CHORDC1: variants seen among roughly 807,000 people sequenced by gnomAD.
CHORDC1 encodes the protein cysteine and histidine rich domain containing 1, also known as cysteine and histidine-rich domain-containing protein 1.
A neutral mutation model predicts 48.3 loss-of-function variants in CHORDC1; 25 were observed. That is an observed-to-expected ratio of 0.52 (90% CI 0.38 to 0.72). CHORDC1 has a LOEUF of 0.72. Among genes scored for constraint, CHORDC1 ranks in the 30% least tolerant of loss-of-function variants. The pLI is 0.00. For missense variants in CHORDC1, 317 were observed against 388.7 expected (o/e 0.82, Z 1.55); for synonymous variants, 128 against 126.4 (o/e 1.01, Z -0.09).
chr11:90,222,528 C>T lies in CHORDC1; in HGVS notation c.64+363G>A, dbSNP rs114258174. On this transcript the variant is annotated intron_variant, in intron 1 of 10. Transcript: ENST00000320585. ...GAACTACAAAGCAAGCTCACCAGTA[C>T]CTCGTTAATTTTTGCTTCCCCAGAG... 5.8e-3 allele frequency: 2,674 copies of T among 464,792 alleles called. 70 individuals are homozygous for T. Among genetic ancestry groups the T allele is most frequent in the African/African-American group, 0.049 (2,434 of 49,704 alleles). 28.8% of individuals were successfully genotyped at this position (464,792 alleles called of 1,614,324 possible). A position where few individuals can be genotyped will look rare whatever the true frequency, so the allele number is the denominator to read the frequency against.
At position 90,214,158 on chromosome 11, in the gene CHORDC1, T is replaced by C. The variant is rs1857945531; in HGVS notation, c.189A>G (p.Arg63=). ...FLSIVGCTKG[R]HNSEKPPEPV... ...GCTCAGGTGGCTTCTCACTATTATG[T>C]CTACCTTTTGTACAGCCCTGTTAGT... Residue 63 remains arginine (R), a synonymous_variant, in exon 4 of 11, where the codon AGA becomes AGG. Transcript: ENST00000320585. The C allele has an allele frequency of 6.2e-6, 10 of 1,612,128 alleles. No individual in the cohort carries two copies. The highest frequency in any genetic ancestry group is 8.5e-6 in the Non-Finnish European group (10 of 1,178,854).
intron 4 of CHORDC1, chr11:90,213,800 C>T: frequency 2.1e-6 from 1 of 486,996 alleles, no homozygotes; most frequent in South Asian, 4.2e-5. Context: ...TATGACAGTA[C>T]AATATGCAAA....
intron 8 of CHORDC1, 100 bp from the exon 9 acceptor site, chr11:90,203,527 A>G: frequency 9.1e-7 from 1 of 1,095,034 alleles, no homozygotes; most frequent in Non-Finnish European, 1.3e-6. Context: ...ACCATGCACA[A>G]CAACTAAGCA....
At chr11:90,216,601 G>A in intron 2 of CHORDC1, 1 of 414,956 alleles carries the variant, frequency 2.4e-6, no homozygotes, top group Non-Finnish European at 4.7e-6. Context: ...CACTACAACT[G>A]CAAAAGAGAG....
chr11:90,211,554 G>C (rs1217979501), intron 4 of CHORDC1: 1 of 354,274 alleles, frequency 2.8e-6, no homozygotes, highest in African/African-American at 2.2e-5. Flanking sequence ...GCTATTGTCA[G>C]CATATTTAAG....
rs1857528454 is a variant in CHORDC1 at position 90,200,840 on chromosome 11, CT to C, written c.*1564del. Among the ~76,000 whole-genome samples the C allele has an allele frequency of 6.6e-6, 1 of 151,918 alleles. No individual in the cohort carries two copies. Among genetic ancestry groups the C allele is most frequent in the Non-Finnish European group, 1.5e-5 (1 of 67,858 alleles). The stretch of plus-strand genomic sequence containing the variant: ...ACCTTTAATCAAACTAATTATCAAC[CT>C]TTCCCCCAACCCATAAAGACTTCAT... On this transcript the variant is annotated 3_prime_UTR_variant, in exon 11 of 11. Transcript: ENST00000320585.
rs1439526272 is a variant in CHORDC1 at position 90,200,801 on chromosome 11, G to T, written c.*1604C>A. 6.6e-6 allele frequency among the ~76,000 whole-genome samples: 1 copy of T among 151,906 alleles called. No homozygotes were observed. The highest frequency in any genetic ancestry group is 1.5e-5 in the Non-Finnish European group (1 of 67,854). ...CTCAGAAGGAAGTATGAACAAAAAGGGATATTAATCATTACCTTTAATCAA... is the reference window on the plus strand; with the variant it reads ...CTCAGAAGGAAGTATGAACAAAAAGTGATATTAATCATTACCTTTAATCAA... On this transcript the variant is annotated 3_prime_UTR_variant, in exon 11 of 11. Coordinates refer to ENST00000320585, the MANE Select transcript of CHORDC1 (RefSeq NM_012124.3).
At chr11:90,218,760 G>C (rs1707130707) in intron 1 of CHORDC1, among the ~76,000 whole-genome samples, 1 of 152,118 alleles carries the variant, frequency 6.6e-6, no homozygotes, top group South Asian at 2.1e-4. Flanking sequence ...TTTGGGAAGT[G>C]AGGAGCTCCT....
chr11:90,222,785 C>A (rs1235366948), intron 1 of CHORDC1, 106 bp downstream of exon 1: 17 of 1,056,064 alleles, frequency 1.6e-5, no homozygotes, highest in Non-Finnish European at 2.2e-5. Context: ...GGACCTGGGG[C>A]CGCGCGAGGA....
At position 90,217,963 on chromosome 11, in the gene CHORDC1, T is replaced by C. The variant is rs1047460748; in HGVS notation, c.114+172A>G. ...ACTGGAAAAGACCTTAAGATCATCA[T>C]CTACTGTCTTTTCTTTGTCTTTAGT... On this transcript the variant is annotated intron_variant, in intron 2 of 10. Transcript: ENST00000320585. 61 of 417,036 alleles carry C rather than the reference T, an allele frequency of 1.5e-4. 1 individual carries two copies. In the Admixed American group the frequency reaches 2.6e-3, roughly 18 times the overall value. The allele number at this position is 417,036 out of a possible 1,614,324, so 25.8% of individuals were successfully genotyped here. A position where few individuals can be genotyped will look rare whatever the true frequency, so the allele number is the denominator to read the frequency against.
chr11:90,219,236 C>T (rs1165655067), intron 1 of CHORDC1, among the ~76,000 whole-genome samples: 1 of 151,872 alleles, frequency 6.6e-6, no homozygotes, highest in Non-Finnish European at 1.5e-5. Flanking sequence ...CGCACTACAG[C>T]CTAGGTGACA....
At chr11:90,221,296 C>T (rs911063110) in intron 1 of CHORDC1, among the ~76,000 whole-genome samples, 18 of 152,202 alleles carry the variant, frequency 1.2e-4, no homozygotes, top group African/African-American at 3.9e-4. Context: ...CCATTTTCTT[C>T]TCCTTCCATT....
At chr11:90,208,365 G>A (rs1302487272) in intron 6 of CHORDC1, 4 of 152,198 alleles carry the variant, frequency 2.6e-5, no homozygotes, top group Admixed American at 2.6e-4. Flanking sequence ...GGGAGGCGGA[G>A]GTTGTAGTGA....
chr11:90,209,003 T>A (rs900436149), intron 6 of CHORDC1: 1 of 152,142 alleles, frequency 6.6e-6, no homozygotes, highest in African/African-American at 2.4e-5. Context: ...GTGCTATTAC[T>A]TACGCTTGAA....
chr11:90,211,507 G>A (rs936243542), intron 4 of CHORDC1, 189 bp from the exon 5 acceptor site: 1 of 468,242 alleles, frequency 2.1e-6, no homozygotes, highest in African/African-American at 2.1e-5. Context: ...TAACAGAAAA[G>A]CTCCTTATAT....
intron 2 of CHORDC1, among the ~76,000 whole-genome samples, chr11:90,215,886 T>C (rs1857999344): frequency 6.6e-6 from 1 of 152,020 alleles, no homozygotes. Flanking sequence ...ATCTCAAAAC[T>C]TGGAACTTCA....
At chr11:90,216,642 T>C (rs1858019748) in intron 2 of CHORDC1, 2 of 385,424 alleles carry the variant, frequency 5.2e-6, no homozygotes, top group Non-Finnish European at 1.0e-5. Flanking sequence ...GTGAATTCAT[T>C]AAGACTTGGA....
chr11:90,206,084 A>T, intron 7 of CHORDC1, 118 bp downstream of exon 7: 1 of 712,684 alleles, frequency 1.4e-6, no homozygotes, highest in South Asian at 1.5e-5. Context: ...TGAAGATGTT[A>T]ATGGCAATGT....
chr11:90,202,654 T>TA (rs964615563), intron 10 of CHORDC1, 103 bp from the exon 11 acceptor site: 44 of 1,422,798 alleles, frequency 3.1e-5, no homozygotes, highest in Non-Finnish European at 4.2e-5. Context: ...TCCAAGCTTC[T>TA]AAAGGCCTCT....
Sources: allele counts gnomAD v4.1 joint callset (sites outside exome capture counted in the v4.1 genomes callset), GRCh38; gene constraint gnomAD v4.1.1; transcripts MANE v1.5; gene names NCBI Gene and HGNC (gene_info 2026-07-23, HGNC 2026-07-21).